Variants in XKR4 observed in about 807,000 individuals in gnomAD.
XKR4 encodes the protein XK-related protein 4.
A neutral mutation model predicts 53.9 loss-of-function variants in XKR4; 12 were observed. The ratio of observed to expected loss-of-function variants is 0.22; its 90% confidence interval spans 0.14 to 0.36. The LOEUF is 0.36. Among genes scored for constraint, XKR4 ranks in the 10% least tolerant of loss-of-function variants. XKR4 has a pLI of 1.00. For missense variants in XKR4, 799 were observed against 859.5 expected (o/e 0.93, Z 0.88); for synonymous variants, 354 against 362.4 (o/e 0.98, Z 0.26).
intron 2 of XKR4, chr8:55,454,130 A>C (rs1346210107): frequency 1.1e-6 from 1 of 877,090 alleles, no homozygotes; most frequent in African/African-American, 1.7e-5. Flanking sequence ...GGCGAGGTCA[A>C]CCAACTCCAG....
chr8:55,426,597 G>A (rs1805017962), intron 2 of XKR4, among the ~76,000 whole-genome samples: 1 of 152,174 alleles, frequency 6.6e-6, no homozygotes, highest in Non-Finnish European at 1.5e-5. Flanking sequence ...CCAGAACCAA[G>A]CAGAGTAGTT....
intron 1 of XKR4, among the ~76,000 whole-genome samples, chr8:55,305,306 G>C (rs1819279868): frequency 6.6e-6 from 1 of 152,174 alleles, no homozygotes; most frequent in Non-Finnish European, 1.5e-5. Context: ...ATGGCGTTGT[G>C]CCAGCAGGGG....
intron 1 of XKR4, among the ~76,000 whole-genome samples, chr8:55,144,993 G>A (rs546179108): frequency 2.2e-4 from 33 of 151,904 alleles, no homozygotes; most frequent in African/African-American, 7.2e-4. Context: ...CACCATGCCC[G>A]ACTGATTTTT....
intron 2 of XKR4, chr8:55,452,662 C>A: frequency 1.4e-6 from 2 of 1,434,366 alleles, no homozygotes; most frequent in Non-Finnish European, 2.0e-6. Flanking sequence ...TCACTGGTGA[C>A]CCCACTCTCT....
chr8:55,241,864 A>G (rs1367024123), intron 1 of XKR4, among the ~76,000 whole-genome samples: 1 of 152,208 alleles, frequency 6.6e-6, no homozygotes, highest in East Asian at 1.9e-4. Flanking sequence ...GACTATAATA[A>G]TGATGACAAG....
intron 1 of XKR4, among the ~76,000 whole-genome samples, chr8:55,230,369 T>TTTTC (rs1321428503): frequency 6.7e-6 from 1 of 150,236 alleles, no homozygotes; most frequent in Admixed American, 6.6e-5. Flanking sequence ...GACACTTTTT[T>TTTTC]TTTTTTTTTT....
chr8:55,237,214 G>A (rs754176656), intron 1 of XKR4, among the ~76,000 whole-genome samples: 7 of 152,084 alleles, frequency 4.6e-5, no homozygotes, highest in Non-Finnish European at 1.0e-4. Context: ...GAATACAGTT[G>A]ACCTTTAAAA....
intron 2 of XKR4, among the ~76,000 whole-genome samples, chr8:55,423,389 C>A (rs1418907867): frequency 1.3e-5 from 2 of 152,208 alleles, no homozygotes; most frequent in African/African-American, 2.4e-5. Flanking sequence ...GCCACCGCAC[C>A]CGCCAGTACA....
intron 1 of XKR4, among the ~76,000 whole-genome samples, chr8:55,253,338 C>A (rs1164014416): frequency 2.0e-5 from 3 of 152,162 alleles, no homozygotes; most frequent in Non-Finnish European, 4.4e-5. Context: ...TGCTTCTTTA[C>A]AAAGACGATG....
At position 55,103,120 on chromosome 8, in the gene XKR4, C is replaced by T; in HGVS notation, c.632C>T (p.Thr211Met). ...AAGEGEARPS[T>M]PQRQASNASK... The stretch of plus-strand genomic sequence containing the variant: ...GGGGAAGGCGAGGCTCGTCCTTCCA[C>T]GCCGCAAAGGCAAGCATCTAACGCC... The change falls in exon 1 of 3, where the codon ACG (threonine) becomes ATG (methionine). Residue 211 changes from threonine to methionine, a missense_variant. Coordinates refer to ENST00000327381, the MANE Select transcript of XKR4 (RefSeq NM_052898.2). The T allele has an allele frequency of 2.5e-6, 4 of 1,613,538 alleles. No individual in the cohort carries two copies. Among genetic ancestry groups the T allele is most frequent in the Non-Finnish European group, 3.4e-6 (4 of 1,180,006 alleles).
At chr8:55,229,094 C>A (rs1817994947) in intron 1 of XKR4, among the ~76,000 whole-genome samples, 1 of 152,250 alleles carries the variant, frequency 6.6e-6, no homozygotes, top group Non-Finnish European at 1.5e-5. Context: ...TGTCATATGT[C>A]CGTGACCAGG....
At chr8:55,162,586 A>T (rs1817000297) in intron 1 of XKR4, among the ~76,000 whole-genome samples, 1 of 152,320 alleles carries the variant, frequency 6.6e-6, no homozygotes, top group African/African-American at 2.4e-5. Context: ...TGAATAAATG[A>T]TATTATTGTT....
intron 2 of XKR4, among the ~76,000 whole-genome samples, chr8:55,438,621 A>G (rs753576670): frequency 2.8e-4 from 42 of 150,952 alleles, no homozygotes; most frequent in Non-Finnish European, 5.9e-4. Context: ...AGAGAGACTT[A>G]TAAAAGAAGA....
chr8:55,456,019 CAG>C (rs1805564134), intron 2 of XKR4, among the ~76,000 whole-genome samples: 3 of 152,178 alleles, frequency 2.0e-5, no homozygotes, highest in Non-Finnish European at 4.4e-5. Context: ...AGTCAGAATT[CAG>C]AGTTGCCATA....
chr8:55,125,375 C>G (rs1235674149), intron 1 of XKR4, among the ~76,000 whole-genome samples: 1 of 152,160 alleles, frequency 6.6e-6, no homozygotes, highest in East Asian at 1.9e-4. Flanking sequence ...GCTGGGATTA[C>G]AGGCATGCGT....
At chr8:55,282,437 T>C (rs1227672928) in intron 1 of XKR4, among the ~76,000 whole-genome samples, 1 of 152,194 alleles carries the variant, frequency 6.6e-6, no homozygotes, top group Non-Finnish European at 1.5e-5. Flanking sequence ...TGCCAGCATC[T>C]GCTTCTGATG....
chr8:55,184,294 C>T (rs1817349803), intron 1 of XKR4, among the ~76,000 whole-genome samples: 1 of 152,066 alleles, frequency 6.6e-6, no homozygotes, highest in Non-Finnish European at 1.5e-5. Context: ...TGTTTATTTA[C>T]CCTTTTCCTT....
chr8:55,326,644 T>C lies in XKR4; in HGVS notation c.807-31034T>C, dbSNP rs554512331. Among the ~76,000 whole-genome samples the C allele has an allele frequency of 1.9e-4, 29 of 151,708 alleles. No individual in the cohort carries two copies. The South Asian group carries it at 5.0e-3, about 26-fold the overall frequency. ...CACCACTGTGCCTGGATAATTTTTG[T>C]ACTTTTTATGGAGATGAGGCTTCAC... On this transcript the variant is annotated intron_variant, in intron 1 of 2. Transcript: ENST00000327381.
intron 2 of XKR4, among the ~76,000 whole-genome samples, chr8:55,465,985 C>A (rs1372343196): frequency 6.6e-6 from 1 of 152,028 alleles, no homozygotes; most frequent in East Asian, 1.9e-4. Context: ...AGTCAGGAAA[C>A]AACAGGTGCT....
Sources: allele counts gnomAD v4.1 joint callset (sites outside exome capture counted in the v4.1 genomes callset), GRCh38; gene constraint gnomAD v4.1.1; transcripts MANE v1.5; gene names NCBI Gene and HGNC (gene_info 2026-07-23, HGNC 2026-07-21).